The following PTPRN2 variants were observed in gnomAD, a reference collection of about 807,000 sequenced individuals.
The protein encoded by PTPRN2 is receptor-type tyrosine-protein phosphatase N2.
PTPRN2 carries 74 observed loss-of-function variants against 118.8 expected under a neutral mutation model. The observed-to-expected ratio is 0.62, with a 90% confidence interval of 0.52 to 0.76. PTPRN2 has a LOEUF of 0.76. Ranked by LOEUF, PTPRN2 falls within the 30% of genes least tolerant of loss-of-function variation. The probability of loss-of-function intolerance (pLI) is 0.00; values close to 1 mark genes in which losing one functional copy is unlikely to be tolerated. For synonymous variants in PTPRN2, 641 were observed against 608.0 expected (o/e 1.05, Z -0.80); for missense variants, 1,481 against 1,394.4 (o/e 1.06, Z -0.99).
chr7:158,153,649 G>T (rs936109119), intron 6 of PTPRN2, among the ~76,000 whole-genome samples: 2 of 152,206 alleles, frequency 1.3e-5, no homozygotes, highest in Admixed American at 6.5e-5. Flanking sequence ...GTGGGTGGGG[G>T]TGCCACAGAT....
At chr7:157,799,150 CAGCAGG>C (rs1051262662) in intron 12 of PTPRN2, among the ~76,000 whole-genome samples, 2 of 152,146 alleles carry the variant, frequency 1.3e-5, no homozygotes, top group African/African-American at 4.8e-5. Context: ...GGGGTGGGGC[CAGCAGG>C]AGCAGGAGCA....
At chr7:157,633,092 T>C (rs1447313863) in intron 14 of PTPRN2, among the ~76,000 whole-genome samples, 1 of 152,052 alleles carries the variant, frequency 6.6e-6, no homozygotes, top group Non-Finnish European at 1.5e-5. Flanking sequence ...AGTAGTTAGC[T>C]GGCCAAAGAC....
intron 2 of PTPRN2, among the ~76,000 whole-genome samples, chr7:158,370,061 G>A (rs1236452932): frequency 6.6e-6 from 1 of 152,138 alleles, no homozygotes; most frequent in African/African-American, 2.4e-5. Flanking sequence ...ACAGACGATG[G>A]GAACGAGGTG....
intron 11 of PTPRN2, among the ~76,000 whole-genome samples, chr7:157,999,231 C>T (rs148356470): frequency 1.8e-3 from 272 of 152,328 alleles, no homozygotes; most frequent in Middle Eastern, 6.8e-3. Context: ...CACAAACCCT[C>T]CTTCTCCCTC....
chr7:157,909,390 G>C lies in PTPRN2; in HGVS notation c.1724-10653C>G, dbSNP rs59648049. Among the ~76,000 whole-genome samples, 1,899 of 152,320 alleles carry C rather than the reference G, an allele frequency of 0.012. 148 individuals are homozygous for C. The East Asian group carries it at 0.23, about 19-fold the overall frequency. Reference sequence around the variant, plus strand: ...ACAGGGGCTGACTCTATACACTGGGGGGGGGAGGATGCTGGCCACTCAACA... The same window carrying C: ...ACAGGGGCTGACTCTATACACTGGGCGGGGGAGGATGCTGGCCACTCAACA... On this transcript the variant is annotated intron_variant, in intron 11 of 22. Transcript: ENST00000389418.
At chr7:157,751,579 G>C (rs756169498) in intron 12 of PTPRN2, among the ~76,000 whole-genome samples, 4 of 151,982 alleles carry the variant, frequency 2.6e-5, no homozygotes, top group Non-Finnish European at 4.4e-5. Flanking sequence ...GGTGAAGCTT[G>C]GCTGTTGCTA....
chr7:158,471,682 C>T (rs1001717230), intron 2 of PTPRN2, among the ~76,000 whole-genome samples: 6 of 150,960 alleles, frequency 4.0e-5, no homozygotes, highest in East Asian at 1.9e-4. Flanking sequence ...AGCGAGACTC[C>T]GTCTCAAAAA....
At chr7:158,018,056 G>C (rs111634764) in intron 11 of PTPRN2, among the ~76,000 whole-genome samples, 1 of 152,198 alleles carries the variant, frequency 6.6e-6, no homozygotes, top group East Asian at 1.9e-4. Context: ...CTGGGGCCAA[G>C]CGAGTAGTGG....
intron 21 of PTPRN2, 28 bp downstream of exon 21, chr7:157,568,874 C>T (rs1232304977): frequency 6.5e-7 from 1 of 1,533,478 alleles, no homozygotes; most frequent in Admixed American, 1.7e-5. Flanking sequence ...CTCTGAGCCG[C>T]AACAAAGCGG....
chr7:158,566,827 T>G (rs1024764759), intron 1 of PTPRN2, among the ~76,000 whole-genome samples: 2 of 152,148 alleles, frequency 1.3e-5, no homozygotes, highest in African/African-American at 4.8e-5. Context: ...GCAACTCTCC[T>G]GCCTCAATGT....
At chr7:157,687,580 T>C (rs1797260904) in intron 12 of PTPRN2, among the ~76,000 whole-genome samples, 1 of 152,244 alleles carries the variant, frequency 6.6e-6, no homozygotes, top group African/African-American at 2.4e-5. Context: ...GCATTTAAAT[T>C]ACTAAATTAT....
At chr7:157,984,874 G>C (rs1803650559) in intron 11 of PTPRN2, among the ~76,000 whole-genome samples, 1 of 152,220 alleles carries the variant, frequency 6.6e-6, no homozygotes, top group Admixed American at 6.5e-5. Flanking sequence ...TCAGCCACTG[G>C]CCTCCTGCCC....
At chr7:158,176,063 G>T (rs1437533445) in intron 5 of PTPRN2, among the ~76,000 whole-genome samples, 3 of 151,812 alleles carry the variant, frequency 2.0e-5, no homozygotes, top group Admixed American at 6.6e-5. Flanking sequence ...ACTGCTCTCA[G>T]CCCACCCTAC....
intron 2 of PTPRN2, among the ~76,000 whole-genome samples, chr7:158,449,403 G>A (rs1817944503): frequency 6.6e-6 from 1 of 152,340 alleles, no homozygotes; most frequent in South Asian, 2.1e-4. Flanking sequence ...AGAGTGGAGT[G>A]TCAGCCTTGG....
chr7:158,399,874 C>G (rs537094438), intron 2 of PTPRN2, among the ~76,000 whole-genome samples: 67 of 152,276 alleles, frequency 4.4e-4, no homozygotes, highest in African/African-American at 1.5e-3. Context: ...AGTTGGAGCT[C>G]TCCCAGCAAG....
intron 1 of PTPRN2, among the ~76,000 whole-genome samples, chr7:158,557,123 C>CGCAGGGCAGGCGGCTCCCGG (rs1563431751): frequency 1.6e-5 from 2 of 124,328 alleles, no homozygotes; most frequent in African/African-American, 3.2e-5. Flanking sequence ...GTCGCTCCCG[C>CGCAGGGCAGGCGGCTCCCGG]GCAGGGCAGG....
At chr7:158,344,129 C>T (rs117203934) in intron 2 of PTPRN2, among the ~76,000 whole-genome samples, 6,661 of 152,154 alleles carry the variant, frequency 0.044, 245 homozygotes, top group Non-Finnish European at 0.062. Context: ...GGAGCCAGCA[C>T]CTGGGCCCTT....
At chr7:157,786,837 G>T (rs757665298) in intron 12 of PTPRN2, among the ~76,000 whole-genome samples, 1 of 152,234 alleles carries the variant, frequency 6.6e-6, no homozygotes, top group Non-Finnish European at 1.5e-5. Context: ...CATTCCAGCG[G>T]CTTTGGCCTT....
chr7:157,702,420 C>A (rs959055275), intron 12 of PTPRN2, among the ~76,000 whole-genome samples: 7 of 152,192 alleles, frequency 4.6e-5, no homozygotes, highest in Non-Finnish European at 8.8e-5. Flanking sequence ...AAAGCCTGGT[C>A]GGTGCTGGTG....
Sources: gnomAD v4.1 joint callset for allele counts (sites outside exome capture counted in the v4.1 genomes callset) on GRCh38, gnomAD v4.1.1 for gene constraint, MANE v1.5 for transcripts, NCBI Gene and HGNC (gene_info 2026-07-23, HGNC 2026-07-21) for gene names.